TSLP: variants seen among roughly 807,000 people sequenced by gnomAD.
The protein encoded by TSLP is thymic stromal lymphopoietin.
Under a neutral mutation model 12.4 loss-of-function variants are expected in TSLP, and 12 were observed. The ratio of observed to expected loss-of-function variants is 0.97; its 90% confidence interval spans 0.62 to 1.57. The LOEUF is 1.57. Among genes scored for constraint, TSLP ranks in the 40% most tolerant of loss-of-function variants. The pLI, the probability that TSLP is intolerant of heterozygous loss-of-function variation, is 0.00. For missense variants in TSLP, 222 were observed against 189.6 expected, an observed-to-expected ratio of 1.17 and a Z score of -1.00; for synonymous variants, 97 against 69.5, an observed-to-expected ratio of 1.40 and a Z score of -1.97.
chr5:111,076,950 T>C lies in TSLP; in HGVS notation c.*876T>C, dbSNP rs77771382. On this transcript the variant is annotated 3_prime_UTR_variant, in exon 4 of 4. Coordinates refer to ENST00000344895, the MANE Select transcript of TSLP (RefSeq NM_033035.5). ...TGGCCCTGCCTATAGGAGAGAATAT[T>C]TGGAGATAGGCAGCTTCAGGATGCA... 6.6e-6 allele frequency: 1 copy of C among 152,324 alleles called. No homozygotes were observed. Among genetic ancestry groups the C allele is most frequent in the East Asian group, 1.9e-4 (1 of 5,184 alleles). 9.4% of individuals were successfully genotyped at this position (152,324 alleles called of 1,614,324 possible).
upstream of TSLP, chr5:111,071,687 A>G (rs1435602637): frequency 2.4e-6 from 3 of 1,267,300 alleles, no homozygotes; most frequent in Non-Finnish European, 3.2e-6. Flanking sequence ...TAGGTGTTAT[A>G]TAGTGCAGCC....
intron 1 of TSLP, 149 bp downstream of exon 1, chr5:111,072,210 C>G: frequency 1.4e-6 from 1 of 700,394 alleles, no homozygotes; most frequent in Non-Finnish European, 2.3e-6. Context: ...AAGTGATATT[C>G]AAATATCTAA....
Position 111,075,967 on chromosome 5 carries a change from A to C in TSLP, c.373A>C (p.Lys125Gln). 4 of 1,613,878 alleles carry C rather than the reference A, an allele frequency of 2.5e-6. No homozygotes were observed. The highest frequency in any genetic ancestry group is 3.4e-6 in the Non-Finnish European group (4 of 1,179,948). ...ETQINATQAM[K>Q]KRRKRKVTTN... is the part of the protein sequence containing the mutation. ...GCAGATAAATGCTACTCAGGCAATG[A>C]AGAAGAGGAGAAAAAGGAAAGTCAC... Residue 125 changes from lysine (K) to glutamine (Q), a missense_variant, in exon 4 of 4, where the codon AAG (lysine) becomes CAG (glutamine). Coordinates refer to ENST00000344895, the MANE Select transcript of TSLP (RefSeq NM_033035.5).
chr5:111,072,611 T>A (rs1752371757), intron 1 of TSLP, among the ~76,000 whole-genome samples: 1 of 152,158 alleles, frequency 6.6e-6, no homozygotes, highest in Non-Finnish European at 1.5e-5. Context: ...AGGATGGCAT[T>A]ATTACTCACA....
At chr5:111,073,370 T>C in intron 2 of TSLP, 141 bp from the exon 3 acceptor site, 1 of 1,531,942 alleles carries the variant, frequency 6.5e-7, no homozygotes, top group East Asian at 2.3e-5. Context: ...TACTCAACCC[T>C]GACCTCTTCT....
intron 1 of TSLP, among the ~76,000 whole-genome samples, chr5:111,072,333 T>C (rs141430473): frequency 6.6e-6 from 1 of 152,242 alleles, no homozygotes; most frequent in East Asian, 1.9e-4. Flanking sequence ...TTTGCTAAAG[T>C]GTTACTCTGA....
At chr5:111,073,990 C>A (rs1484699610) in intron 3 of TSLP, among the ~76,000 whole-genome samples, 2 of 152,150 alleles carry the variant, frequency 1.3e-5, no homozygotes, top group African/African-American at 4.8e-5. Flanking sequence ...TCAACCCAGA[C>A]CTTCAACATT....
At chr5:111,072,716 C>G (rs763286919) in intron 1 of TSLP, among the ~76,000 whole-genome samples, 172 bp from the exon 2 acceptor site, 3 of 152,114 alleles carry the variant, frequency 2.0e-5, no homozygotes, top group Non-Finnish European at 4.4e-5. Flanking sequence ...AAGCACTAAC[C>G]AGCACTATCT....
chr5:111,073,285 C>G, intron 2 of TSLP: 1 of 1,419,604 alleles, frequency 7.0e-7, no homozygotes, highest in Non-Finnish European at 9.2e-7. Flanking sequence ...GCGTGGGTGA[C>G]AGTCTTTTCG....
chr5:111,075,821 G>A, intron 3 of TSLP, 125 bp from the exon 4 acceptor site: 1 of 973,928 alleles, frequency 1.0e-6, no homozygotes, highest in East Asian at 2.5e-5. Context: ...CTAGCACATA[G>A]TAAGCAGGTG....
chr5:111,073,362 C>T (rs1752396280), intron 2 of TSLP, 149 bp from the exon 3 acceptor site: 3 of 1,510,142 alleles, frequency 2.0e-6, no homozygotes, highest in East Asian at 2.3e-5. Flanking sequence ...CCTTGCTCTA[C>T]TCAACCCTGA....
rs968589002 is a variant in TSLP, at chr5:111,072,791, G to A, written c.172-97G>A. 21 of 1,255,420 alleles carry A rather than the reference G, an allele frequency of 1.7e-5. No individual in the cohort carries two copies. The Admixed American group carries it at 2.8e-4, about 17-fold the overall frequency. The allele number at this position is 1,255,420 out of a possible 1,614,324, so 77.8% of individuals were successfully genotyped here. On this transcript the variant is annotated intron_variant, in intron 1 of 3. Coordinates refer to ENST00000344895, the MANE Select transcript of TSLP (RefSeq NM_033035.5). ...GGTACCTGAGTGGAAACTGTTTTCA[G>A]GGCACCTTTAAAGCCTGGGAGCAAA...
Position 111,071,767 on chromosome 5 carries a change from G to A in TSLP, c.-124G>A. On this transcript the variant is annotated 5_prime_UTR_variant, in exon 1 of 4. Coordinates refer to ENST00000344895, the MANE Select transcript of TSLP (RefSeq NM_033035.5). ...CATGGGTGAATAAGGGCTTCCTGTG[G>A]ACTGGCAATGAGAGGCAAAACCTGG... The A allele has an allele frequency of 7.6e-7, 1 of 1,310,490 alleles. No individual in the cohort carries two copies. 81.2% of individuals were successfully genotyped at this position (1,310,490 alleles called of 1,614,324 possible). A position where few individuals can be genotyped will look rare whatever the true frequency, so the allele number is the denominator to read the frequency against.
chr5:111,070,591 G>A (rs1752318549), upstream of TSLP: 1 of 152,366 alleles, frequency 6.6e-6, no homozygotes, highest in Admixed American at 6.5e-5. Context: ...TGGTGTTGCT[G>A]GAACTGGGAA....
chr5:111,073,212 C>G (rs1396037729), intron 2 of TSLP: 3 of 1,217,160 alleles, frequency 2.5e-6, no homozygotes, highest in Non-Finnish European at 3.3e-6. Flanking sequence ...TGGGGTCCGG[C>G]GCCTCCGCGC....
chr5:111,073,561 C>T lies in TSLP; in HGVS notation c.267C>T (p.Gly89=). ...IQSLTFNPTA[G]CASLAKEMFA... ...GCCTAACCTTCAATCCCACCGCCGGCTGCGCGTCGCTCGCCAAAGAAATGT... is the reference window on the plus strand; with the variant it reads ...GCCTAACCTTCAATCCCACCGCCGGTTGCGCGTCGCTCGCCAAAGAAATGT... Residue 89 remains glycine (G), a synonymous_variant, in exon 3 of 4, where the codon GGC becomes GGT. Coordinates refer to ENST00000344895, the MANE Select transcript of TSLP (RefSeq NM_033035.5). 6.2e-7 allele frequency: 1 copy of T among 1,614,220 alleles called. No individual in the cohort carries two copies. Among genetic ancestry groups the T allele is most frequent in the Non-Finnish European group, 8.5e-7 (1 of 1,180,042 alleles).
At chr5:111,072,139 T>C (rs1168898476) in intron 1 of TSLP, 78 bp downstream of exon 1, 2 of 1,239,834 alleles carry the variant, frequency 1.6e-6, no homozygotes, top group African/African-American at 1.5e-5. Context: ...AATTTAACTT[T>C]GTAGGAAAGA....
chr5:111,073,341 G>T, intron 2 of TSLP, 170 bp from the exon 3 acceptor site: 3 of 1,458,042 alleles, frequency 2.1e-6, no homozygotes, highest in Middle Eastern at 2.3e-4. Flanking sequence ...GCTCCCCCGC[G>T]GTTGGTTCTT....
Position 111,077,449 on chromosome 5 carries a change from T to C in TSLP, c.*1375T>C, listed in dbSNP as rs1752544185. 6.6e-6 allele frequency: 1 copy of C among 152,192 alleles called. No homozygotes were observed. Among genetic ancestry groups the C allele is most frequent in the South Asian group, 2.1e-4 (1 of 4,826 alleles). The allele number at this position is 152,192 out of a possible 1,614,324, so 9.4% of individuals were successfully genotyped here. A position where few individuals can be genotyped will look rare whatever the true frequency, so the allele number is the denominator to read the frequency against. ...AGCCTTTGTCCAGAGAAGCTCAGGG[T>C]ATAGCTGAATAGGCAGTTTCTTTTG... On this transcript the variant is annotated 3_prime_UTR_variant, in exon 4 of 4. Transcript: ENST00000344895.
Sources: allele counts gnomAD v4.1 joint callset (sites outside exome capture counted in the v4.1 genomes callset), GRCh38; gene constraint gnomAD v4.1.1; transcripts MANE v1.5; gene names NCBI Gene and HGNC (gene_info 2026-07-23, HGNC 2026-07-21).